ZFHX3: variants seen among roughly 807,000 people sequenced by gnomAD.
ZFHX3 encodes zinc finger homeobox 3.
A neutral mutation model predicts 279.1 loss-of-function variants in ZFHX3; 42 were observed. That is an observed-to-expected ratio of 0.15 (90% CI 0.12 to 0.19). The LOEUF is 0.19. Ranked by LOEUF, ZFHX3 falls within the 10% of genes least tolerant of loss-of-function variation. The pLI is 1.00. For missense variants in ZFHX3, 4,981 were observed against 4,754.0 expected (o/e 1.05, Z -1.40); for synonymous variants, 2,293 against 1,957.8 (o/e 1.17, Z -4.52).
intron 1 of ZFHX3, among the ~76,000 whole-genome samples, chr16:73,817,589 G>C (rs185534254): frequency 1.3e-5 from 2 of 152,278 alleles, no homozygotes; most frequent in Non-Finnish European, 2.9e-5. Flanking sequence ...GGTCTGCAAA[G>C]CAGTTCGAAT....
At chr16:73,784,350 A>T (rs1959568992) in intron 1 of ZFHX3, among the ~76,000 whole-genome samples, 1 of 152,160 alleles carries the variant, frequency 6.6e-6, no homozygotes, top group Admixed American at 6.6e-5. Context: ...CTAGTGCCTG[A>T]CACCTAGAAA....
intron 1 of ZFHX3, among the ~76,000 whole-genome samples, chr16:73,001,667 A>C (rs2144597375): frequency 6.6e-6 from 1 of 152,038 alleles, no homozygotes; most frequent in South Asian, 2.1e-4. Flanking sequence ...TTTTTAAAAA[A>C]AGGTTAGCCA....
At chr16:72,912,691 C>T (rs1304864175) in intron 3 of ZFHX3, among the ~76,000 whole-genome samples, 1 of 151,864 alleles carries the variant, frequency 6.6e-6, no homozygotes, top group African/African-American at 2.4e-5. Context: ...ACTTTTACTT[C>T]CTTTTCTTCT....
intron 2 of ZFHX3, among the ~76,000 whole-genome samples, chr16:73,463,897 T>C (rs1191787168): frequency 1.4e-4 from 21 of 152,244 alleles, no homozygotes; most frequent in Non-Finnish European, 1.5e-5. Flanking sequence ...ATTACCTTTC[T>C]TGTTCTGACT....
At chr16:73,840,148 T>C (rs1387344812) in intron 1 of ZFHX3, among the ~76,000 whole-genome samples, 2 of 152,106 alleles carry the variant, frequency 1.3e-5, no homozygotes, top group Admixed American at 1.3e-4. Context: ...ATAAGTAATG[T>C]ATGACCCTAA....
At chr16:73,446,075 G>C (rs1206446416) in intron 3 of ZFHX3, among the ~76,000 whole-genome samples, 1 of 152,182 alleles carries the variant, frequency 6.6e-6, no homozygotes, top group Non-Finnish European at 1.5e-5. Context: ...CTGAAATGAA[G>C]ACAATGCACT....
chr16:73,633,093 T>G (rs1194277767), intron 2 of ZFHX3, among the ~76,000 whole-genome samples: 4 of 152,110 alleles, frequency 2.6e-5, no homozygotes, highest in African/African-American at 9.7e-5. Context: ...AGAAAAAAAA[T>G]AAGAAAGACT....
chr16:72,954,333 G>T (rs1405589422), intron 2 of ZFHX3, among the ~76,000 whole-genome samples: 1 of 152,138 alleles, frequency 6.6e-6, no homozygotes, highest in Non-Finnish European at 1.5e-5. Flanking sequence ...CTGCGCTATT[G>T]CACTCCAGCC....
In ZFHX3 at chr16:72,959,920, T is replaced by C. The variant is rs543893560; in HGVS notation, c.226A>G (p.Ser76Gly). 2.0e-4 allele frequency: 320 copies of C among 1,600,426 alleles called. No homozygotes were observed. Among genetic ancestry groups the C allele is most frequent in the Admixed American group, 3.1e-4 (18 of 58,768 alleles). Residue 76 changes from serine (S) to glycine (G), a missense_variant, in exon 2 of 10, where the codon AGC becomes GGC. By Grantham distance (56) the Ser-to-Gly change is moderately conservative. Around this residue, in one of 7 missense-constraint regions of ZFHX3, gnomAD observed 1,068 missense variants for 935.2 expected, o/e 1.14. Transcript: ENST00000268489. ...ASAGPPSEPA[S>G]KEVTCNECSA... ...CATTCGTTGCAGGTGACCTCCTTGC[T>C]GGCGGGCTCGGAGGGGGGCCCGGCC...
At chr16:73,612,781 T>C (rs2052260228) in intron 2 of ZFHX3, among the ~76,000 whole-genome samples, 1 of 152,122 alleles carries the variant, frequency 6.6e-6, no homozygotes, top group Non-Finnish European at 1.5e-5. Context: ...TTTGCAAATA[T>C]TACATGAAAT....
At chr16:73,458,306 T>G (rs2018409892) in intron 2 of ZFHX3, among the ~76,000 whole-genome samples, 1 of 141,818 alleles carries the variant, frequency 7.1e-6, no homozygotes, top group Non-Finnish European at 1.5e-5. Context: ...CTTTCCTTCT[T>G]TCCCTCCCTT....
In ZFHX3 at chr16:73,223,959, G is replaced by T. The variant is rs911730790; in HGVS notation, c.-1104+33088C>A. 2.6e-5 allele frequency among the ~76,000 whole-genome samples: 4 copies of T among 152,174 alleles called. No homozygotes were observed. In the South Asian group the frequency reaches 8.3e-4, roughly 31 times the overall value. ...ACATATTGCATTATTCTAACTACAT[G>T]TCATTCTGTAAAACGCAAAACTGTG... On this transcript the variant is annotated intron_variant, in intron 5 of 17. Coordinates refer to the ZFHX3 transcript ENST00000641206.
At chr16:73,123,962 T>C (rs1335356714) in intron 7 of ZFHX3, among the ~76,000 whole-genome samples, 3 of 152,152 alleles carry the variant, frequency 2.0e-5, no homozygotes, top group South Asian at 2.1e-4. Flanking sequence ...CTGTGAGAAA[T>C]ACATTTCTAT....
At chr16:73,401,298 T>C (rs1166358918) in intron 3 of ZFHX3, 1 of 151,296 alleles carries the variant, frequency 6.6e-6, no homozygotes, top group Non-Finnish European at 1.5e-5. Context: ...GTTCCCTTTT[T>C]CCCGCACTGT....
At chr16:73,531,157 C>G (rs1459851121) in intron 2 of ZFHX3, among the ~76,000 whole-genome samples, 4 of 152,142 alleles carry the variant, frequency 2.6e-5, no homozygotes, top group Non-Finnish European at 5.9e-5. Flanking sequence ...TGTTGCCAGT[C>G]TAATTGGTTT....
intron 3 of ZFHX3, among the ~76,000 whole-genome samples, chr16:73,415,241 T>G (rs1307798522): frequency 2.0e-5 from 3 of 152,242 alleles, no homozygotes; most frequent in African/African-American, 7.2e-5. Context: ...GGTTCTGGGC[T>G]GCAAACCAGA....
At chr16:73,234,611 G>A (rs2012884831) in intron 5 of ZFHX3, among the ~76,000 whole-genome samples, 1 of 152,230 alleles carries the variant, frequency 6.6e-6, no homozygotes, top group Non-Finnish European at 1.5e-5. Context: ...GACCACTTGA[G>A]GAGATCCAAA....
intron 4 of ZFHX3, among the ~76,000 whole-genome samples, chr16:73,311,716 A>G (rs548971888): frequency 3.3e-5 from 5 of 152,100 alleles, no homozygotes; most frequent in African/African-American, 1.2e-4. Context: ...ATAAGCATGA[A>G]TTAATTTTCT....
At chr16:73,189,743 C>T (rs1967987886) in intron 5 of ZFHX3, among the ~76,000 whole-genome samples, 2 of 152,192 alleles carry the variant, frequency 1.3e-5, no homozygotes, top group African/African-American at 2.4e-5. Flanking sequence ...CCTGAGCTCA[C>T]CAACAAGGTA....
Sources: allele counts gnomAD v4.1 joint callset (sites outside exome capture counted in the v4.1 genomes callset), GRCh38; gene constraint gnomAD v4.1.1; regional missense constraint gnomAD v4.1.1; transcripts MANE v1.5; gene names NCBI Gene and HGNC (gene_info 2026-07-23, HGNC 2026-07-21).